CEP128: variants seen among roughly 807,000 people sequenced by gnomAD.
CEP128 encodes centrosomal protein 128kDa.
In CEP128, 132 loss-of-function variants were observed where a neutral mutation model predicts 156.7. The ratio of observed to expected loss-of-function variants is 0.84; its 90% CI spans 0.73 to 0.97. CEP128 has a LOEUF of 0.97. Ranked by LOEUF, CEP128 falls within the 50% of genes least tolerant of loss-of-function variation. The probability of loss-of-function intolerance (pLI) is 0.00; values close to 1 mark genes in which losing one functional copy is unlikely to be tolerated. For missense variants in CEP128, 1,252 were observed against 1,281.9 expected (o/e 0.98, Z 0.36); for synonymous variants, 469 against 448.9 (o/e 1.04, Z -0.57).
chr14:80,556,543 G>A (rs560461534), intron 21 of CEP128, among the ~76,000 whole-genome samples: 2 of 152,238 alleles, frequency 1.3e-5, no homozygotes, highest in East Asian at 3.9e-4. Flanking sequence ...GGGGAAAAAT[G>A]GGCATGTGAC....
At chr14:80,564,155 C>T (rs1340242583) in intron 20 of CEP128, among the ~76,000 whole-genome samples, 1 of 152,128 alleles carries the variant, frequency 6.6e-6, no homozygotes, top group African/African-American at 2.4e-5. Flanking sequence ...TGGATAGTCC[C>T]TTTTCTATTA....
intron 19 of CEP128, among the ~76,000 whole-genome samples, chr14:80,583,205 C>T (rs2140454896): frequency 6.6e-6 from 1 of 152,316 alleles, no homozygotes; most frequent in Non-Finnish European, 1.5e-5. Context: ...AATGACAATG[C>T]TTGACTTGGG....
chr14:80,884,366 C>A (rs1017518909), intron 8 of CEP128, among the ~76,000 whole-genome samples: 1 of 152,178 alleles, frequency 6.6e-6, no homozygotes, highest in Non-Finnish European at 1.5e-5. Context: ...AGAGAGCTGT[C>A]AAGATGGCTG....
chr14:80,614,108 TAAC>T (rs1483786230), intron 19 of CEP128, among the ~76,000 whole-genome samples: 3 of 151,716 alleles, frequency 2.0e-5, no homozygotes, highest in Admixed American at 1.3e-4. Flanking sequence ...ATATAAAAAT[TAAC>T]AAGCAAGATA....
chr14:80,493,216 A>C (rs1366073369), downstream of CEP128, among the ~76,000 whole-genome samples: 3 of 152,306 alleles, frequency 2.0e-5, no homozygotes, highest in South Asian at 2.1e-4. Context: ...AAAAGAGAGC[A>C]TTCGTCCAGA....
chr14:80,845,709 T>C (rs1490426661), intron 9 of CEP128, among the ~76,000 whole-genome samples: 3 of 152,196 alleles, frequency 2.0e-5, no homozygotes, highest in Admixed American at 6.6e-5. Flanking sequence ...GGGTTTTTTT[T>C]GTTTTTCACT....
intron 19 of CEP128, among the ~76,000 whole-genome samples, chr14:80,670,022 C>A (rs1895776275): frequency 6.6e-6 from 1 of 151,964 alleles, no homozygotes; most frequent in South Asian, 2.1e-4. Context: ...AAAGCAGGAG[C>A]AAGAGAGAGG....
chr14:80,591,845 A>C (rs1296532127), intron 19 of CEP128, among the ~76,000 whole-genome samples: 1 of 152,236 alleles, frequency 6.6e-6, no homozygotes, highest in Non-Finnish European at 1.5e-5. Flanking sequence ...ACTCAGGATT[A>C]AGAAACTCAC....
chr14:80,746,377 G>T (rs1899101107), intron 18 of CEP128, among the ~76,000 whole-genome samples: 1 of 152,120 alleles, frequency 6.6e-6, no homozygotes, highest in African/African-American at 2.4e-5. Context: ...TGTGGTATTG[G>T]CATAAGGACA....
At chr14:80,619,259 T>C (rs1365472678) in intron 19 of CEP128, among the ~76,000 whole-genome samples, 3 of 152,100 alleles carry the variant, frequency 2.0e-5, no homozygotes, top group Non-Finnish European at 1.5e-5. Context: ...GAAATGTTTA[T>C]GAGCAAGAGT....
rs576764338 is a variant in CEP128, at chr14:80,496,810, A to C, written c.*669T>G. 15 of 152,314 alleles carry C rather than the reference A, an allele frequency of 9.8e-5. No homozygotes were observed. The highest frequency in any genetic ancestry group is 3.4e-4 in the African/African-American group (14 of 41,578). 9.4% of individuals were successfully genotyped at this position (152,314 alleles called of 1,614,324 possible). ...ATATTTGGCCACAAAAAGACAAATA[A>C]ATAAATTGTGCTATGAATTCTTTAC... On this transcript the variant is annotated 3_prime_UTR_variant, in exon 25 of 25. Coordinates refer to ENST00000555265, the MANE Select transcript of CEP128 (RefSeq NM_152446.5).
chr14:80,905,418 A>G (rs925303800), intron 5 of CEP128: 3 of 155,262 alleles, frequency 1.9e-5, no homozygotes, highest in African/African-American at 7.2e-5. Flanking sequence ...CCAATGTTCA[A>G]TTATCTAAAT....
intron 8 of CEP128, among the ~76,000 whole-genome samples, chr14:80,871,483 G>A (rs576578469): frequency 1.3e-5 from 2 of 152,174 alleles, no homozygotes; most frequent in South Asian, 2.1e-4. Context: ...CCAGCTTAAC[G>A]TGCTGGATGG....
intron 2 of CEP128, among the ~76,000 whole-genome samples, chr14:80,921,959 C>CG (rs1432851731): frequency 2.1e-4 from 30 of 146,028 alleles, no homozygotes; most frequent in African/African-American, 7.6e-4. Context: ...GAGACTCCAT[C>CG]CCAAAAAAAA....
At chr14:80,872,907 A>G (rs1459118200) in intron 8 of CEP128, among the ~76,000 whole-genome samples, 1 of 152,216 alleles carries the variant, frequency 6.6e-6, no homozygotes, top group East Asian at 1.9e-4. Context: ...CAATGTTATT[A>G]TTAAGTTTCA....
chr14:80,849,618 C>T (rs560429952), intron 9 of CEP128, among the ~76,000 whole-genome samples: 2 of 152,084 alleles, frequency 1.3e-5, no homozygotes, highest in East Asian at 1.9e-4. Context: ...ATAATTAATA[C>T]CACAACTTTA....
chr14:80,525,286 C>T (rs1165329453), intron 23 of CEP128, among the ~76,000 whole-genome samples: 2 of 152,132 alleles, frequency 1.3e-5, no homozygotes, highest in African/African-American at 4.8e-5. Flanking sequence ...TGGTCAATGA[C>T]ATAAATTACT....
intron 2 of CEP128, among the ~76,000 whole-genome samples, chr14:80,937,101 T>C (rs781262835): frequency 6.6e-6 from 1 of 152,168 alleles, no homozygotes; most frequent in Non-Finnish European, 1.5e-5. Flanking sequence ...GAGGATTGCT[T>C]GAGCCCAAGC....
At chr14:80,718,343 A>G (rs1897686910) in intron 19 of CEP128, among the ~76,000 whole-genome samples, 1 of 152,190 alleles carries the variant, frequency 6.6e-6, no homozygotes, top group East Asian at 1.9e-4. Context: ...ATTTGCTTCT[A>G]AATACTACTT....
Sources: allele counts gnomAD v4.1 joint callset (sites outside exome capture counted in the v4.1 genomes callset), GRCh38; gene constraint gnomAD v4.1.1; transcripts MANE v1.5; gene names NCBI Gene and HGNC (gene_info 2026-07-23, HGNC 2026-07-21).